IL17D: variants seen among roughly 807,000 people sequenced by gnomAD.
IL17D encodes the protein interleukin-17D.
In IL17D, 10 loss-of-function variants were observed where a neutral mutation model predicts 5.7. That is an observed-to-expected ratio of 1.75 (90% confidence interval 1.08 to 2.97). IL17D has a LOEUF of 2.97. Among genes scored for constraint, IL17D ranks in the 30% most tolerant of loss-of-function variants. The probability of loss-of-function intolerance (pLI) is 0.00; values close to 1 mark genes in which losing one functional copy is unlikely to be tolerated. For missense variants in IL17D, 354 were observed against 292.7 expected, an observed-to-expected ratio of 1.21 and a Z score of -1.53; for synonymous variants, 172 against 141.7, an observed-to-expected ratio of 1.21 and a Z score of -1.52.
intron 1 of IL17D, 50 bp downstream of exon 1, chr13:20,704,341 G>C: frequency 1.9e-6 from 2 of 1,040,952 alleles, no homozygotes; most frequent in Non-Finnish European, 2.4e-6. Context: ...GGAGGGCAGG[G>C]CTGGGCGGGG....
At position 20,721,764 on chromosome 13, in the gene IL17D, C is replaced by T. The variant is rs2058738000; in HGVS notation, c.419C>T (p.Thr140Ile). ...RFRSAPVYMP[T>I]VVLRRTPACA... is the part of the protein sequence containing the mutation. ...CGCAGCGCCCCTGTCTACATGCCCA[C>T]CGTCGTCCTGCGCCGCACCCCCGCC... is the stretch of plus-strand genomic sequence containing the variant. The change falls in exon 2 of 2, where the codon ACC (threonine) becomes ATC (isoleucine). Residue 140 changes from threonine to isoleucine, a missense_variant. Thr to Ile is a moderately conservative substitution (Grantham distance 89). Coordinates refer to ENST00000682841, the MANE Select transcript of IL17D (RefSeq NM_001385224.1). 6.2e-7 allele frequency: 1 copy of T among 1,609,812 alleles called. No individual in the cohort carries two copies. Among genetic ancestry groups the T allele is most frequent in the African/African-American group, 1.3e-5 (1 of 74,934 alleles).
chr13:20,718,830 ACACT>A (rs2058706961), intron 1 of IL17D, among the ~76,000 whole-genome samples: 1 of 134,742 alleles, frequency 7.4e-6, no homozygotes, highest in Admixed American at 7.5e-5. Context: ...ACACCTGCCC[ACACT>A]CAGACACACC....
At chr13:20,702,061 C>A (rs2058550888), upstream of IL17D, 2 of 152,080 alleles carry the variant, frequency 1.3e-5, no homozygotes. Context: ...TTCTATGAAA[C>A]CCTCATAATG....
chr13:20,716,995 G>A lies in IL17D; in HGVS notation c.291-4641G>A, dbSNP rs184213803. The A allele has an allele frequency of 2.0e-5, 3 of 152,374 alleles. No homozygotes were observed. Among genetic ancestry groups the A allele is most frequent in the Admixed American group, 2.0e-4 (3 of 15,306 alleles). The allele number at this position is 152,374 out of a possible 1,614,324, so 9.4% of individuals were successfully genotyped here. On this transcript the variant is annotated intron_variant, in intron 1 of 1. Coordinates refer to ENST00000682841, the MANE Select transcript of IL17D (RefSeq NM_001385224.1). The surrounding 1 kb of genome is among the most constrained non-coding windows in gnomAD (Gnocchi z 4.2). ...GATCCTCCCTCGGAATGTGTTCATTGTTTTCAGAGCTCCGGAGCCGCTTCA... is the reference window on the plus strand; with the variant it reads ...GATCCTCCCTCGGAATGTGTTCATTATTTTCAGAGCTCCGGAGCCGCTTCA...
chr13:20,719,010 G>T (rs2141398032), intron 1 of IL17D, among the ~76,000 whole-genome samples: 1 of 115,770 alleles, frequency 8.6e-6, no homozygotes, highest in African/African-American at 3.5e-5. Flanking sequence ...ACATGCCCAT[G>T]CTCACACATG....
intron 1 of IL17D, among the ~76,000 whole-genome samples, chr13:20,718,054 C>T (rs2058691519): frequency 6.6e-6 from 1 of 152,146 alleles, no homozygotes; most frequent in Non-Finnish European, 1.5e-5. Flanking sequence ...GCGATGCCCT[C>T]ACGTCACTCA....
rs1362948554 is a variant in IL17D at position 20,721,559 on chromosome 13, T to A, written c.291-77T>A. ...GGACAGTCCCCGAGGCCCTCCCCGG[T>A]GACTCTAACCAGGGATTTCAGCGCG... On this transcript the variant is annotated intron_variant, in intron 1 of 1. Coordinates refer to ENST00000682841, the MANE Select transcript of IL17D (RefSeq NM_001385224.1). 1.2e-5 allele frequency: 15 copies of A among 1,275,482 alleles called. No individual in the cohort carries two copies. The East Asian group carries it at 3.8e-4, about 32-fold the overall frequency. The allele number at this position is 1,275,482 out of a possible 1,614,324, so 79.0% of individuals were successfully genotyped here. A position where few individuals can be genotyped will look rare whatever the true frequency, so the allele number is the denominator to read the frequency against.
Position 20,704,262 on chromosome 13 carries a change from C to A in IL17D, c.261C>A (p.Asn87Lys). The change falls in exon 1 of 2, where the codon AAC becomes AAA. Residue 87 changes from asparagine to lysine, a missense_variant. Coordinates refer to ENST00000682841, the MANE Select transcript of IL17D (RefSeq NM_001385224.1). ...ACCGCCGCTTCCGGCCGCCCACCAA[C>A]CTGCGCAGCGTGTCGCCCTGGGCCT... ...PADRRFRPPT[N>K]LRSVSPWAYR... 7.7e-7 allele frequency: 1 copy of A among 1,291,294 alleles called. No individual in the cohort carries two copies. Among genetic ancestry groups the A allele is most frequent in the Non-Finnish European group, 9.8e-7 (1 of 1,021,578 alleles). The allele number at this position is 1,291,294 out of a possible 1,614,324, so 80.0% of individuals were successfully genotyped here.
chr13:20,709,062 G>A (rs1339349771), intron 1 of IL17D, among the ~76,000 whole-genome samples: 1 of 150,564 alleles, frequency 6.6e-6, no homozygotes, highest in Non-Finnish European at 1.5e-5. Context: ...AAGGTCAAAT[G>A]ACTCAAACGC....
chr13:20,708,270 A>C (rs2058605918), intron 1 of IL17D, among the ~76,000 whole-genome samples: 1 of 152,224 alleles, frequency 6.6e-6, no homozygotes, highest in South Asian at 2.1e-4. Flanking sequence ...ACTGAACGTC[A>C]GGAGTACTGA....
intron 1 of IL17D, among the ~76,000 whole-genome samples, chr13:20,709,982 C>T (rs1286520282): frequency 2.0e-5 from 3 of 151,910 alleles, no homozygotes; most frequent in Non-Finnish European, 4.4e-5. Context: ...TGGTGAGGAG[C>T]CCAGACCTGG....
At chr13:20,714,468 C>T (rs565839125) in intron 1 of IL17D, among the ~76,000 whole-genome samples, 26 of 152,320 alleles carry the variant, frequency 1.7e-4, no homozygotes, top group African/African-American at 4.3e-4. Context: ...TGGACAAGTC[C>T]GCTACTCTGT....
chr13:20,721,597 GCC>G, intron 1 of IL17D, 37 bp from the exon 2 acceptor site: 1 of 1,520,398 alleles, frequency 6.6e-7, no homozygotes, highest in Non-Finnish European at 8.9e-7. Context: ...GCGCGGGGCT[GCC>G]CCCAGGCGTG....
rs1365863361 is a variant in IL17D, at chr13:20,716,382, C to T, written c.291-5254C>T. On this transcript the variant is annotated intron_variant, in intron 1 of 1. Coordinates refer to ENST00000682841, the MANE Select transcript of IL17D (RefSeq NM_001385224.1). The surrounding 1 kb of genome is among the most constrained non-coding windows in gnomAD (Gnocchi z 4.2). The stretch of plus-strand genomic sequence containing the variant: ...TCTCAGAGAAATCTTTCTGGGATTT[C>T]GTTAGAATTGCACTGACTTTATAGA... 1.3e-5 allele frequency among the ~76,000 whole-genome samples: 2 copies of T among 152,084 alleles called. No individual in the cohort carries two copies. Among genetic ancestry groups the T allele is most frequent in the African/African-American group, 4.8e-5 (2 of 41,394 alleles).
intron 1 of IL17D, 151 bp from the exon 2 acceptor site, chr13:20,721,485 C>T (rs1335027242): frequency 1.6e-6 from 1 of 612,618 alleles, no homozygotes; most frequent in Admixed American, 3.1e-5. Context: ...CCGGGCAGAT[C>T]TGTTGTCGGC....
At chr13:20,704,810 C>T (rs2141380329) in intron 1 of IL17D, among the ~76,000 whole-genome samples, 1 of 152,040 alleles carries the variant, frequency 6.6e-6, no homozygotes, top group East Asian at 1.9e-4. Flanking sequence ...GGGGGGTGCG[C>T]GGTACTATCC....
intron 1 of IL17D, among the ~76,000 whole-genome samples, chr13:20,720,816 T>C (rs986354322): frequency 6.6e-6 from 1 of 151,734 alleles, no homozygotes; most frequent in African/African-American, 2.4e-5. Flanking sequence ...CGGCTTCCTC[T>C]GATGGCAGCT....
At chr13:20,715,839 G>T (rs2058674887) in intron 1 of IL17D, among the ~76,000 whole-genome samples, 1 of 152,122 alleles carries the variant, frequency 6.6e-6, no homozygotes, top group Non-Finnish European at 1.5e-5. Context: ...GACCTCCCAG[G>T]CTCAAGGGAT....
chr13:20,703,992 T>C lies in IL17D; in HGVS notation c.-10T>C. 3.9e-6 allele frequency: 4 copies of C among 1,013,150 alleles called. No homozygotes were observed. Among genetic ancestry groups the C allele is most frequent in the Non-Finnish European group, 4.7e-6 (4 of 850,824 alleles). 62.8% of individuals were successfully genotyped at this position (1,013,150 alleles called of 1,614,324 possible). ...GCGGACGCTGAGCGTGGCCTGTCCC[T>C]CAGGTCTGGATGCTGGTAGCCGGCT... is the stretch of plus-strand genomic sequence containing the variant. On this transcript the variant is annotated 5_prime_UTR_variant, in exon 1 of 2. Transcript: ENST00000682841.
Sources: allele counts gnomAD v4.1 joint callset (sites outside exome capture counted in the v4.1 genomes callset), GRCh38; gene constraint gnomAD v4.1.1; non-coding constraint Gnocchi (gnomAD v3.1); transcripts MANE v1.5; gene names NCBI Gene and HGNC (gene_info 2026-07-23, HGNC 2026-07-21).